The following DOCK3 variants were observed in gnomAD, a reference collection of about 807,000 sequenced individuals.
The protein encoded by DOCK3 is dedicator of cytokinesis 3.
In DOCK3, 60 loss-of-function variants were observed where a neutral mutation model predicts 265.6. That is an observed-to-expected ratio of 0.23 (90% confidence interval 0.18 to 0.28). The LOEUF is 0.28. Ranked by LOEUF, DOCK3 falls within the 10% of genes least tolerant of loss-of-function variation. DOCK3 has a pLI of 1.00. For missense variants in DOCK3, 1,981 were observed against 2,594.3 expected (o/e 0.76, Z 5.14); for synonymous variants, 881 against 938.0 (o/e 0.94, Z 1.11).
At chr3:50,802,007 G>A (rs1447337461) in intron 2 of DOCK3, among the ~76,000 whole-genome samples, 1 of 152,008 alleles carries the variant, frequency 6.6e-6, no homozygotes, top group African/African-American at 2.4e-5. Context: ...TATAAGTATA[G>A]CTATTCATGC....
intron 1 of DOCK3, among the ~76,000 whole-genome samples, chr3:50,687,354 T>C (rs1403828647): frequency 6.6e-6 from 1 of 152,240 alleles, no homozygotes; most frequent in Non-Finnish European, 1.5e-5. Context: ...AAGTGACAGA[T>C]TGAGCAGGTT....
At chr3:50,722,422 A>G (rs2037532585) in intron 1 of DOCK3, among the ~76,000 whole-genome samples, 1 of 152,230 alleles carries the variant, frequency 6.6e-6, no homozygotes, top group Admixed American at 6.5e-5. Flanking sequence ...AAAAGTTCTG[A>G]TCTAGCATCT....
At chr3:50,859,256 G>A (rs1409539422) in intron 3 of DOCK3, among the ~76,000 whole-genome samples, 6 of 118,794 alleles carry the variant, frequency 5.1e-5, no homozygotes, top group South Asian at 6.0e-4. Flanking sequence ...TGACTCTGTC[G>A]CCAGGCTGGA....
At chr3:51,379,172 C>T (rs941740451) in intron 51 of DOCK3, among the ~76,000 whole-genome samples, 25 of 152,224 alleles carry the variant, frequency 1.6e-4, no homozygotes, top group Admixed American at 9.2e-4. Context: ...AGGCTGCAGG[C>T]GTTCACTCCT....
At chr3:50,746,952 C>G (rs139947049) in intron 1 of DOCK3, among the ~76,000 whole-genome samples, 3 of 152,254 alleles carry the variant, frequency 2.0e-5, no homozygotes, top group African/African-American at 7.2e-5. Flanking sequence ...ACTATATCAT[C>G]TATTATCCAT....
intron 2 of DOCK3, among the ~76,000 whole-genome samples, chr3:50,837,089 C>T (rs1559704618): frequency 6.6e-6 from 1 of 152,210 alleles, no homozygotes; most frequent in African/African-American, 2.4e-5. Context: ...TTTCCCACAT[C>T]TTTCTGTCTT....
intron 7 of DOCK3, among the ~76,000 whole-genome samples, chr3:51,086,377 G>T (rs184525206): frequency 6.6e-6 from 1 of 151,928 alleles, no homozygotes; most frequent in East Asian, 1.9e-4. Flanking sequence ...TGAACATGTC[G>T]CAGTGCTGCA....
intron 3 of DOCK3, among the ~76,000 whole-genome samples, chr3:50,847,249 A>G (rs1281901254): frequency 6.6e-6 from 1 of 152,144 alleles, no homozygotes; most frequent in Non-Finnish European, 1.5e-5. Flanking sequence ...ATTCAGGAGC[A>G]AGTTTTTAAA....
chr3:51,146,849 A>C (rs923524153), intron 10 of DOCK3, among the ~76,000 whole-genome samples: 1 of 152,238 alleles, frequency 6.6e-6, no homozygotes, highest in African/African-American at 2.4e-5. Flanking sequence ...AAATATAATC[A>C]AGTACCTTTC....
At chr3:51,362,089 C>T in intron 48 of DOCK3, 92 bp downstream of exon 48, 1 of 1,446,236 alleles carries the variant, frequency 6.9e-7, no homozygotes, top group Non-Finnish European at 9.2e-7. Context: ...CTTGGCAACC[C>T]TGCCTAATTC....
At chr3:50,766,292 GC>G (rs1394771050) in intron 1 of DOCK3, among the ~76,000 whole-genome samples, 1 of 115,772 alleles carries the variant, frequency 8.6e-6, no homozygotes, top group Non-Finnish European at 1.7e-5. Context: ...CCCACAACAG[GC>G]CCCGGTGTGT....
intron 2 of DOCK3, among the ~76,000 whole-genome samples, chr3:50,805,067 G>A (rs764475716): frequency 2.6e-5 from 4 of 151,954 alleles, no homozygotes; most frequent in African/African-American, 7.3e-5. Context: ...TGTAGGTGAC[G>A]TGTTTTCTTG....
At chr3:50,782,920 A>T (rs1242726162) in intron 2 of DOCK3, among the ~76,000 whole-genome samples, 1 of 151,104 alleles carries the variant, frequency 6.6e-6, no homozygotes, top group East Asian at 2.0e-4. Context: ...TACTTCACTT[A>T]GAATAATGGT....
chr3:51,309,631 GAGAGCGAGAGC>G (rs1403644503), intron 27 of DOCK3, among the ~76,000 whole-genome samples: 1 of 1,756 alleles, frequency 5.7e-4, no homozygotes, highest in African/African-American at 5.4e-3. Flanking sequence ...GAGCGAGAGC[GAGAGCGAGAGC>G]GAGAGCGAGA....
rs80309622 is a variant in DOCK3, at chr3:51,184,838, C to A, written c.1038-23936C>A. Among the ~76,000 whole-genome samples, 546 of 152,224 alleles carry A rather than the reference C, an allele frequency of 3.6e-3. 4 individuals are homozygous for A. The highest frequency in any genetic ancestry group is 0.013 in the African/African-American group (520 of 41,530). The stretch of plus-strand genomic sequence containing the variant: ...AGAAACCTGACAAGCACTACTTCAA[C>A]CAGATAATCAGGGATAACATCAGCA... On this transcript the variant is annotated intron_variant, in intron 12 of 52. Coordinates refer to ENST00000266037, the MANE Select transcript of DOCK3 (RefSeq NM_004947.5).
rs115459718 is a variant in DOCK3, at chr3:50,862,916, C to T, written c.162+21201C>T. 9.6e-4 allele frequency among the ~76,000 whole-genome samples: 146 copies of T among 152,310 alleles called. 1 individual carries two copies. In the Middle Eastern group the frequency reaches 0.037, roughly 39 times the overall value. On this transcript the variant is annotated intron_variant, in intron 3 of 52. Transcript: ENST00000266037. Reference sequence around the variant, plus strand: ...AAACAACACTTTCTCCAAGTACACACGTGTCACCCTCCAGTGGGAAGAACT... The same window carrying T: ...AAACAACACTTTCTCCAAGTACACATGTGTCACCCTCCAGTGGGAAGAACT...
At chr3:50,794,485 A>G (rs1361767241) in intron 2 of DOCK3, among the ~76,000 whole-genome samples, 1 of 152,158 alleles carries the variant, frequency 6.6e-6, no homozygotes, top group Non-Finnish European at 1.5e-5. Context: ...CCATTATGTA[A>G]TGCCCTAATT....
chr3:51,008,347 G>T (rs186846148), intron 5 of DOCK3, among the ~76,000 whole-genome samples: 1 of 152,216 alleles, frequency 6.6e-6, no homozygotes, highest in African/African-American at 2.4e-5. Flanking sequence ...CACATCCCTT[G>T]TACACAAGTT....
chr3:51,134,029 T>C, intron 9 of DOCK3, among the ~76,000 whole-genome samples: 1 of 152,156 alleles, frequency 6.6e-6, no homozygotes, highest in Non-Finnish European at 1.5e-5. Flanking sequence ...GAACATGTAG[T>C]GTTTGGTTTT....
Sources: gnomAD v4.1 joint callset for allele counts (sites outside exome capture counted in the v4.1 genomes callset) on GRCh38, gnomAD v4.1.1 for gene constraint, MANE v1.5 for transcripts, NCBI Gene and HGNC (gene_info 2026-07-23, HGNC 2026-07-21) for gene names.